TM9SF4: variants seen among roughly 807,000 people sequenced by gnomAD.
The protein encoded by TM9SF4 is transmembrane 9 superfamily member 4.
TM9SF4 carries 26 observed loss-of-function variants against 90.4 expected under a neutral mutation model. The observed-to-expected ratio is 0.29, with a 90% CI of 0.21 to 0.40. The LOEUF (loss-of-function observed/expected upper bound fraction) is 0.40. Ranked by LOEUF, TM9SF4 falls within the 10% of genes least tolerant of loss-of-function variation. The pLI is 1.00. For missense variants in TM9SF4, 549 were observed against 834.8 expected, an observed-to-expected ratio of 0.66 and a Z score of 4.22; for synonymous variants, 293 against 315.4, an observed-to-expected ratio of 0.93 and a Z score of 0.75.
At chr20:32,123,516 G>T (rs1458356940) in intron 1 of TM9SF4, among the ~76,000 whole-genome samples, 2 of 150,844 alleles carry the variant, frequency 1.3e-5, no homozygotes, top group Non-Finnish European at 3.0e-5. Flanking sequence ...ATTTCTTTTG[G>T]ATTATTTGTC....
intron 2 of TM9SF4, among the ~76,000 whole-genome samples, chr20:32,135,316 T>C (rs1033707073): frequency 1.3e-5 from 2 of 152,218 alleles, no homozygotes; most frequent in African/African-American, 4.8e-5. Context: ...TCATTTTTCC[T>C]CTCTTCTCTC....
At chr20:32,116,322 T>G (rs1036794900) in intron 1 of TM9SF4, 2 of 152,254 alleles carry the variant, frequency 1.3e-5, no homozygotes, top group Non-Finnish European at 2.9e-5. Flanking sequence ...GTAACTTTAC[T>G]CCAAGGTTTG....
chr20:32,154,713 A>C lies in TM9SF4; in HGVS notation c.1246-390A>C, dbSNP rs188234735. 1.9e-3 allele frequency among the ~76,000 whole-genome samples: 293 copies of C among 152,248 alleles called. 1 individual carries two copies. Among genetic ancestry groups the C allele is most frequent in the Middle Eastern group, 6.8e-3 (2 of 292 alleles). ...GGTGATCCACCTACCTCGGCCTCCC[A>C]AAGTGCTGGGATTGCAGGCATGAGC... On this transcript the variant is annotated intron_variant, in intron 12 of 17. Coordinates refer to ENST00000398022, the MANE Select transcript of TM9SF4 (RefSeq NM_014742.4).
At position 32,136,106 on chromosome 20, in the gene TM9SF4, A is replaced by G; in HGVS notation, c.162A>G (p.Leu54=). ...AGCTCACCAGCTCTCGAACCCAGCT[A>G]CCTTATGAATACTATTCACTGCCCT... ...AVKLTSSRTQ[L]PYEYYSLPFC... The change falls in exon 3 of 18, where the codon CTA becomes CTG. Residue 54 remains leucine, a synonymous_variant. Coordinates refer to ENST00000398022, the MANE Select transcript of TM9SF4 (RefSeq NM_014742.4). The G allele has an allele frequency of 6.2e-7, 1 of 1,614,162 alleles. No homozygotes were observed. The highest frequency in any genetic ancestry group is 1.1e-5 in the South Asian group (1 of 91,080).
At chr20:32,157,699 T>TCC in intron 13 of TM9SF4, 95 bp from the exon 14 acceptor site, 1 of 1,488,214 alleles carries the variant, frequency 6.7e-7, no homozygotes. Flanking sequence ...AAGTCGCCTC[T>TCC]CCTTCTGTGG....
intron 1 of TM9SF4, among the ~76,000 whole-genome samples, chr20:32,127,295 G>C (rs1178114703): frequency 6.6e-6 from 1 of 152,104 alleles, no homozygotes; most frequent in African/African-American, 2.4e-5. Context: ...GAACATCATC[G>C]TTACAGTCTC....
chr20:32,154,794 A>G (rs975057662), intron 12 of TM9SF4, among the ~76,000 whole-genome samples: 10 of 152,226 alleles, frequency 6.6e-5, no homozygotes, highest in Non-Finnish European at 2.9e-5. Context: ...TACATCAGAG[A>G]ACAAGGTAGA....
chr20:32,126,252 A>C (rs2046421148), intron 1 of TM9SF4, among the ~76,000 whole-genome samples: 1 of 152,130 alleles, frequency 6.6e-6, no homozygotes, highest in Admixed American at 6.5e-5. Flanking sequence ...GTCATTACCT[A>C]GGAGCTTGTT....
intron 6 of TM9SF4, among the ~76,000 whole-genome samples, chr20:32,143,747 G>A (rs2046716517): frequency 1.3e-5 from 2 of 149,274 alleles, no homozygotes. Context: ...TTTTTCCACT[G>A]TGGAACTTAG....
intron 1 of TM9SF4, among the ~76,000 whole-genome samples, chr20:32,119,574 T>A (rs557550836): frequency 6.6e-6 from 1 of 152,334 alleles, no homozygotes; most frequent in East Asian, 1.9e-4. Flanking sequence ...TATAAGTTCC[T>A]TATCAGGTAT....
intron 1 of TM9SF4, 83 bp downstream of exon 1, chr20:32,109,838 C>A: frequency 1.3e-6 from 2 of 1,547,230 alleles, no homozygotes; most frequent in Non-Finnish European, 1.7e-6. Flanking sequence ...CCATGCCTGG[C>A]CCTGAGCCAC....
intron 3 of TM9SF4, chr20:32,137,132 C>T (rs1012571543): frequency 4.6e-6 from 2 of 438,624 alleles, no homozygotes; most frequent in Non-Finnish European, 9.2e-6. Flanking sequence ...GGCCTCAGAG[C>T]CTGGGCTGGC....
Position 32,141,513 on chromosome 20 carries a change from G to A in TM9SF4, c.246G>A (p.Gly82=). Residue 82 remains glycine (G), a synonymous_variant, in exon 4 of 18, where the codon GGG becomes GGA. Transcript: ENST00000398022. ...TTACGGCAGGAGAGGTGCTGAGAGG[G>A]GACCGGATTGTCAACACCCCTTTCC... ...KAENLGEVLR[G]DRIVNTPFQV... 3.1e-6 allele frequency: 5 copies of A among 1,614,090 alleles called. No individual in the cohort carries two copies. The highest frequency in any genetic ancestry group is 4.2e-6 in the Non-Finnish European group (5 of 1,180,018).
At position 32,141,219 on chromosome 20, in the gene TM9SF4, A is replaced by AG. The variant is rs1245171492; in HGVS notation, c.230-278_230-277insG. ...GTGACAGAGCGAGACTCCATCTCAAAAAAAAAAAAAAAAAAAAAAAAAGGA... is the reference window on the plus strand; with the variant it reads ...GTGACAGAGCGAGACTCCATCTCAAAGAAAAAAAAAAAAAAAAAAAAAAGGA... On this transcript the variant is annotated intron_variant, in intron 3 of 17. Coordinates refer to ENST00000398022, the MANE Select transcript of TM9SF4 (RefSeq NM_014742.4). Among the ~76,000 whole-genome samples the AG allele has an allele frequency of 1.1e-3, 136 of 121,428 alleles. No individual in the cohort carries two copies. In the Middle Eastern group the frequency reaches 0.012, roughly 11 times the overall value. 79.7% of individuals were successfully genotyped at this position (121,428 alleles called of 152,430 possible). A position where few individuals can be genotyped will look rare whatever the true frequency, so the allele number is the denominator to read the frequency against.
intron 1 of TM9SF4, among the ~76,000 whole-genome samples, chr20:32,112,707 A>C (rs969264568): frequency 6.6e-6 from 1 of 151,452 alleles, no homozygotes; most frequent in Admixed American, 6.6e-5. Flanking sequence ...AAAAAAAAAA[A>C]AACAAAAAAC....
intron 1 of TM9SF4, among the ~76,000 whole-genome samples, chr20:32,111,016 C>T (rs772931564): frequency 6.6e-6 from 1 of 152,176 alleles, no homozygotes; most frequent in Non-Finnish European, 1.5e-5. Flanking sequence ...AAGATTCTGG[C>T]TTAAATAATT....
intron 1 of TM9SF4, among the ~76,000 whole-genome samples, chr20:32,125,060 A>G (rs978319060): frequency 6.6e-5 from 10 of 152,266 alleles, no homozygotes; most frequent in African/African-American, 2.2e-4. Flanking sequence ...CAACCTGTTC[A>G]TCAGGGCAGA....
chr20:32,129,263 C>T (rs577522089), intron 1 of TM9SF4, among the ~76,000 whole-genome samples: 3 of 152,122 alleles, frequency 2.0e-5, no homozygotes, highest in Admixed American at 6.6e-5. Context: ...GAGGCTGAGG[C>T]GGGAGGATTG....
At chr20:32,110,517 A>G (rs1025486815) in intron 1 of TM9SF4, among the ~76,000 whole-genome samples, 1 of 152,186 alleles carries the variant, frequency 6.6e-6, no homozygotes, top group South Asian at 2.1e-4. Context: ...TTCTAATTCC[A>G]TAGGGCTAGG....
Sources: gnomAD v4.1 joint callset for allele counts (sites outside exome capture counted in the v4.1 genomes callset) on GRCh38, gnomAD v4.1.1 for gene constraint, MANE v1.5 for transcripts, NCBI Gene and HGNC (gene_info 2026-07-23, HGNC 2026-07-21) for gene names.